The following UROC1 variants were observed in gnomAD, a reference collection of about 807,000 sequenced individuals.
UROC1 encodes the protein urocanate hydratase 1.
Under a neutral mutation model 89.5 loss-of-function variants are expected in UROC1, and 79 were observed. The ratio of observed to expected loss-of-function variants is 0.88; its 90% confidence interval spans 0.74 to 1.06. The LOEUF (loss-of-function observed/expected upper bound fraction) is 1.06. UROC1 is among the 50% of genes least tolerant of loss of function. The pLI, the probability that UROC1 is intolerant of heterozygous loss-of-function variation, is 0.00. For synonymous variants in UROC1, 361 were observed against 354.8 expected (o/e 1.02, Z -0.20); for missense variants, 885 against 907.8 (o/e 0.97, Z 0.32).
rs1359519627 is a variant in UROC1 at position 126,483,390 on chromosome 3, G to A, written c.1869C>T (p.Leu623=). The part of the protein sequence containing the change: ...PEAEGRARLM[L]SWDVSNGVAR... The stretch of plus-strand genomic sequence containing the variant: ...TTACACCATTGGAGACATCCCAGCT[G>A]AGCATCAGCCTGGCTCTCCCCTCGG... Residue 623 remains leucine, a synonymous_variant, in exon 19 of 20, where the codon CTC becomes CTT. Transcript: ENST00000290868. 5.0e-6 allele frequency: 8 copies of A among 1,613,444 alleles called. No individual in the cohort carries two copies. In the South Asian group the frequency reaches 7.7e-5, roughly 15 times the overall value.
At chr3:126,499,229 G>T in intron 13 of UROC1, 108 bp downstream of exon 13, 2 of 1,210,940 alleles carry the variant, frequency 1.7e-6, no homozygotes, top group Non-Finnish European at 2.4e-6. Context: ...TGACCTCAGG[G>T]GCGGTCAGAG....
intron 15 of UROC1, 93 bp downstream of exon 15, chr3:126,495,945 G>T: frequency 2.4e-6 from 3 of 1,267,724 alleles, no homozygotes; most frequent in Non-Finnish European, 2.3e-6. Flanking sequence ...TGGAGGCTGT[G>T]GACCAGGCTG....
At chr3:126,489,163 G>A (rs753450528) in intron 17 of UROC1, 113 bp downstream of exon 17, 9 of 1,053,200 alleles carry the variant, frequency 8.5e-6, no homozygotes, top group South Asian at 1.3e-5. Flanking sequence ...ACTCTATGCC[G>A]AGCCTCTCAG....
intron 16 of UROC1, among the ~76,000 whole-genome samples, chr3:126,490,575 G>A (rs746082978): frequency 2.6e-5 from 4 of 152,036 alleles, no homozygotes; most frequent in Admixed American, 1.3e-4. Flanking sequence ...ATCACAGCTC[G>A]TCGGGGAGCT....
Position 126,501,239 on chromosome 3 carries a change from T to A in UROC1, c.944A>T (p.His315Leu). ...TCACCAAAGAGCCACCACGTTGCCA[T>A]GGTAACCAAGGCTGAGCACCTCCTT... is the stretch of plus-strand genomic sequence containing the variant. ...KKKEVLSLGY[H>L]GNVVALWERL... The change falls in exon 10 of 20, where the codon CAT becomes CTT. Residue 315 changes from histidine to leucine, a missense_variant. Physicochemically the swap from His to Leu is moderately conservative, Grantham distance 99. Coordinates refer to ENST00000290868, the MANE Select transcript of UROC1 (RefSeq NM_144639.3). 1 of 1,614,128 alleles carries A rather than the reference T, an allele frequency of 6.2e-7. No homozygotes were observed. Among genetic ancestry groups the A allele is most frequent in the Non-Finnish European group, 8.5e-7 (1 of 1,180,008 alleles).
Position 126,510,762 on chromosome 3 carries a change from G to A in UROC1, c.159C>T (p.Pro53=), listed in dbSNP as rs142790681. The A allele has an allele frequency of 1.3e-3, 2,053 of 1,614,002 alleles. No individual in the cohort carries two copies. Among genetic ancestry groups the A allele is most frequent in the Non-Finnish European group, 1.7e-3 (1,951 of 1,180,034 alleles). ...GGGCCAGCAGCTCCTGGACATCCGG[G>A]GGGAAGTAGCGCAGGGCGTTCCTCA... The part of the protein sequence containing the change: ...LALRNALRYF[P]PDVQELLAPE... The change falls in exon 2 of 20, where the codon CCC becomes CCT. Residue 53 remains proline (P), a synonymous_variant. Transcript: ENST00000290868.
chr3:126,488,874 C>T (rs1197816324), intron 17 of UROC1, among the ~76,000 whole-genome samples: 1 of 152,186 alleles, frequency 6.6e-6, no homozygotes, highest in Non-Finnish European at 1.5e-5. Context: ...GCAGGCTCTT[C>T]CCCCAAAAAT....
intron 8 of UROC1, 75 bp downstream of exon 8, chr3:126,505,626 C>T: frequency 6.5e-7 from 1 of 1,538,460 alleles, no homozygotes; most frequent in Non-Finnish European, 8.7e-7. Flanking sequence ...TGTAAGTGAT[C>T]CGGGAGGAAG....
Position 126,501,235 on chromosome 3 carries a change from G to T in UROC1, c.948C>A (p.Gly316=), listed in dbSNP as rs34663426. The change falls in exon 10 of 20, where the codon GGC becomes GGA. Residue 316 remains glycine, a synonymous_variant. Coordinates refer to ENST00000290868, the MANE Select transcript of UROC1 (RefSeq NM_144639.3). ...KKEVLSLGYH[G]NVVALWERLV... ...CCACTCACCAAAGAGCCACCACGTTGCCATGGTAACCAAGGCTGAGCACCT... is the reference window on the plus strand; with the variant it reads ...CCACTCACCAAAGAGCCACCACGTTTCCATGGTAACCAAGGCTGAGCACCT... 1 of 1,614,148 alleles carries T rather than the reference G, an allele frequency of 6.2e-7. No homozygotes were observed. Among genetic ancestry groups the T allele is most frequent in the South Asian group, 1.1e-5 (1 of 91,082 alleles).
At chr3:126,492,599 C>T in intron 15 of UROC1, 83 bp from the exon 16 acceptor site, 3 of 1,112,016 alleles carry the variant, frequency 2.7e-6, no homozygotes, top group Non-Finnish European at 4.0e-6. Context: ...ACGGGTGGCA[C>T]TTCCACTGTG....
chr3:126,492,837 G>GTTACCTAT (rs1935686840), intron 15 of UROC1, among the ~76,000 whole-genome samples: 1 of 152,210 alleles, frequency 6.6e-6, no homozygotes, highest in South Asian at 2.1e-4. Flanking sequence ...CTCCAGGGAG[G>GTTACCTAT]TTACCTATTG....
chr3:126,502,559 T>C (rs1272481690), intron 9 of UROC1, among the ~76,000 whole-genome samples: 3 of 151,916 alleles, frequency 2.0e-5, no homozygotes, highest in Non-Finnish European at 4.4e-5. Flanking sequence ...GAGTTATGTG[T>C]TTATGCATGT....
At chr3:126,497,097 C>T (rs886210626) in intron 14 of UROC1, among the ~76,000 whole-genome samples, 2 of 152,202 alleles carry the variant, frequency 1.3e-5, no homozygotes, top group Non-Finnish European at 2.9e-5. Flanking sequence ...GGCCCCTGCC[C>T]GCCTCCTCCT....
At chr3:126,494,200 G>A (rs17742378) in intron 15 of UROC1, among the ~76,000 whole-genome samples, 9,767 of 152,230 alleles carry the variant, frequency 0.064, 433 homozygotes, top group Non-Finnish European at 0.098. Context: ...TGCAGTCACC[G>A]TTCAGAAGAG....
Position 126,489,183 on chromosome 3 carries a change from C to T in UROC1, c.1708+93G>A, listed in dbSNP as rs1464356449. The T allele has an allele frequency of 6.3e-6, 8 of 1,268,474 alleles. No individual in the cohort carries two copies. In the East Asian group the frequency reaches 1.6e-4, roughly 26 times the overall value. 78.6% of individuals were successfully genotyped at this position (1,268,474 alleles called of 1,614,324 possible). A position where few individuals can be genotyped will look rare whatever the true frequency, so the allele number is the denominator to read the frequency against. On this transcript the variant is annotated intron_variant, in intron 17 of 19. Coordinates refer to ENST00000290868, the MANE Select transcript of UROC1 (RefSeq NM_144639.3). ...ATGCCGAGCCTCTCAGGTGCCAGAA[C>T]ATCTTTCGAAACATTGTGACTGACT...
Position 126,481,910 on chromosome 3 carries a change from G to A in UROC1, c.*435C>T, listed in dbSNP as rs535956703. The A allele has an allele frequency of 1.2e-5, 3 of 242,476 alleles. No homozygotes were observed. The South Asian group carries it at 1.6e-4, about 13-fold the overall frequency. The allele number at this position is 242,476 out of a possible 1,614,324, so 15.0% of individuals were successfully genotyped here. On this transcript the variant is annotated 3_prime_UTR_variant, in exon 20 of 20. Transcript: ENST00000290868. ...CTCCTTCCCGAACTCCTCCAGGCCA[G>A]CAGCCCAGGGTGCCAGGGTCCAGAA...
chr3:126,508,154 C>T (rs946035631), intron 4 of UROC1, 59 bp from the exon 5 acceptor site: 9 of 1,611,924 alleles, frequency 5.6e-6, no homozygotes, highest in African/African-American at 1.3e-5. Context: ...CACACCCAGC[C>T]CCACACCACC....
At position 126,517,605 on chromosome 3, in the gene UROC1, C is replaced by T. The variant is rs1437405781; in HGVS notation, c.115G>A (p.Val39Met). Residue 39 changes from valine to methionine, a missense_variant, in exon 1 of 20, where the codon GTG becomes ATG. Physicochemically the swap from Val to Met is conservative, Grantham distance 21 (BLOSUM62 1). Coordinates refer to ENST00000290868, the MANE Select transcript of UROC1 (RefSeq NM_144639.3). ...GGCCCACTGCTTACCTGTTTCTCCA[C>T]AGGGCTGAGGCTGGGGGTCCTGACA... ...APVRTPSLSPVEKQLALRNAL... is the reference protein window; with the variant it reads ...APVRTPSLSPMEKQLALRNAL... The T allele has an allele frequency of 6.2e-7, 1 of 1,612,362 alleles. No homozygotes were observed. The highest frequency in any genetic ancestry group is 1.7e-4 in the Middle Eastern group (1 of 5,986).
At chr3:126,496,591 G>A (rs1271156927) in intron 14 of UROC1, among the ~76,000 whole-genome samples, 1 of 152,200 alleles carries the variant, frequency 6.6e-6, no homozygotes, top group Non-Finnish European at 1.5e-5. Flanking sequence ...GCCCTGAGGT[G>A]AAAATAAACT....
Sources: gnomAD v4.1 joint callset for allele counts (sites outside exome capture counted in the v4.1 genomes callset) on GRCh38, gnomAD v4.1.1 for gene constraint, MANE v1.5 for transcripts, NCBI Gene and HGNC (gene_info 2026-07-23, HGNC 2026-07-21) for gene names.